The following DPP10 variants were observed in gnomAD, a reference collection of about 807,000 sequenced individuals.
DPP10 encodes the protein inactive dipeptidyl peptidase 10.
Under a neutral mutation model 120.9 loss-of-function variants are expected in DPP10, and 33 were observed. The observed-to-expected ratio is 0.27, with a 90% CI of 0.21 to 0.37. The LOEUF is 0.37. Ranked by LOEUF, DPP10 falls within the 10% of genes least tolerant of loss-of-function variation. The pLI is 1.00. For synonymous variants in DPP10, 337 were observed against 326.1 expected, an observed-to-expected ratio of 1.03 and a Z score of -0.36; for missense variants, 816 against 942.8, an observed-to-expected ratio of 0.87 and a Z score of 1.76.
At chr2:114,607,280 A>G (rs1692892573) in intron 1 of DPP10, among the ~76,000 whole-genome samples, 4 of 152,210 alleles carry the variant, frequency 2.6e-5, no homozygotes, top group Admixed American at 2.6e-4. Context: ...GATCTAAAGA[A>G]GGACACACTG....
At chr2:115,739,220 G>A (rs1198146378) in intron 8 of DPP10, among the ~76,000 whole-genome samples, 1 of 152,086 alleles carries the variant, frequency 6.6e-6, no homozygotes, top group African/African-American at 2.4e-5. Context: ...ATATAGGTTA[G>A]CTTTCTGGAC....
chr2:115,351,238 G>A (rs1485565094), intron 3 of DPP10, among the ~76,000 whole-genome samples: 3 of 152,092 alleles, frequency 2.0e-5, no homozygotes, highest in Non-Finnish European at 4.4e-5. Context: ...GATGCAGCAG[G>A]AAGCCATTAT....
chr2:115,249,248 A>G (rs1176485140), intron 1 of DPP10, among the ~76,000 whole-genome samples: 1 of 152,158 alleles, frequency 6.6e-6, no homozygotes, highest in Non-Finnish European at 1.5e-5. Flanking sequence ...ATTAAGCATT[A>G]TAAGGGGTAA....
intron 5 of DPP10, among the ~76,000 whole-genome samples, chr2:115,544,567 A>G (rs942559454): frequency 6.6e-6 from 1 of 152,058 alleles, no homozygotes; most frequent in African/African-American, 2.4e-5. Flanking sequence ...CCAAAATCTA[A>G]CTGCCCATCC....
chr2:114,881,537 CT>C (rs1691627033), intron 1 of DPP10, among the ~76,000 whole-genome samples: 1 of 143,306 alleles, frequency 7.0e-6, no homozygotes, highest in South Asian at 2.2e-4. Flanking sequence ...TCTATCTATC[CT>C]ATCTATCTAA....
chr2:114,835,243 T>A (rs1327067616), intron 1 of DPP10: 1 of 151,658 alleles, frequency 6.6e-6, no homozygotes, highest in Non-Finnish European at 1.5e-5. Context: ...TATGTGTATA[T>A]AGGACATATC....
chr2:115,839,750 C>T (rs189689819), intron 24 of DPP10, among the ~76,000 whole-genome samples: 300 of 151,672 alleles, frequency 2.0e-3, no homozygotes, highest in Non-Finnish European at 3.4e-3. Context: ...GAATGAACAC[C>T]CTAGACAGAA....
At chr2:115,750,842 T>A (rs571767141) in intron 10 of DPP10, among the ~76,000 whole-genome samples, 103 of 152,266 alleles carry the variant, frequency 6.8e-4, no homozygotes, top group African/African-American at 2.4e-3. Flanking sequence ...TGCAAAGATG[T>A]TCTTGTAGCA....
chr2:115,653,061 T>C (rs2087948537), intron 5 of DPP10, among the ~76,000 whole-genome samples: 1 of 152,064 alleles, frequency 6.6e-6, no homozygotes, highest in African/African-American at 2.4e-5. Context: ...TGATGGAGTC[T>C]GGTTTATACT....
chr2:115,762,425 A>T, intron 11 of DPP10, 147 bp from the exon 12 acceptor site: 1 of 752,052 alleles, frequency 1.3e-6, no homozygotes, highest in Non-Finnish European at 2.3e-6. Context: ...ATTCAGATTA[A>T]ATCAATAATG....
chr2:115,258,629 T>TAA (rs2059114558), intron 1 of DPP10, among the ~76,000 whole-genome samples: 1 of 152,208 alleles, frequency 6.6e-6, no homozygotes, highest in Admixed American at 6.5e-5. Flanking sequence ...ACTTCAGGTA[T>TAA]AATGATTCTA....
At chr2:115,797,645 T>G (rs1329633227) in intron 19 of DPP10, among the ~76,000 whole-genome samples, 3 of 152,016 alleles carry the variant, frequency 2.0e-5, no homozygotes, top group Non-Finnish European at 2.9e-5. Flanking sequence ...AGAAAATGAC[T>G]AAGAAGAAAA....
chr2:115,621,012 A>G (rs1413373767), intron 5 of DPP10, among the ~76,000 whole-genome samples: 4 of 152,206 alleles, frequency 2.6e-5, no homozygotes, highest in Non-Finnish European at 5.9e-5. Flanking sequence ...TTTGCTGTTC[A>G]TATCTCAAAA....
At chr2:114,713,939 C>G (rs1273535431) in intron 1 of DPP10, among the ~76,000 whole-genome samples, 2 of 150,254 alleles carry the variant, frequency 1.3e-5, no homozygotes, top group East Asian at 3.9e-4. Context: ...GAGCCGAGAT[C>G]GCACCATTGC....
chr2:114,968,066 T>A (rs958924154), intron 1 of DPP10, among the ~76,000 whole-genome samples: 1 of 152,178 alleles, frequency 6.6e-6, no homozygotes, highest in Non-Finnish European at 1.5e-5. Context: ...ATTTTCCACA[T>A]AAGCAAACCT....
chr2:115,033,407 G>A (rs76497570), intron 1 of DPP10, among the ~76,000 whole-genome samples: 2,124 of 152,012 alleles, frequency 0.014, 53 homozygotes, highest in African/African-American at 0.047. Context: ...ATCTTTAGTG[G>A]CTCCTTTTGC....
chr2:114,906,571 G>A (rs1420646734), intron 1 of DPP10, among the ~76,000 whole-genome samples: 1 of 152,010 alleles, frequency 6.6e-6, no homozygotes, highest in Non-Finnish European at 1.5e-5. Context: ...ATAAAAAGAA[G>A]TTTGTATTTT....
intron 1 of DPP10, among the ~76,000 whole-genome samples, chr2:114,643,923 A>G (rs1558960841): frequency 2.3e-5 from 3 of 129,862 alleles, no homozygotes; most frequent in Admixed American, 7.5e-5. Flanking sequence ...GTGTGTGTAT[A>G]TATATATATA....
chr2:115,442,349 C>CTG (rs377386557), intron 3 of DPP10, among the ~76,000 whole-genome samples: 1 of 142,704 alleles, frequency 7.0e-6, no homozygotes, highest in Non-Finnish European at 1.5e-5. Context: ...AATATATTAT[C>CTG]TGTGTGTGTG....
Sources: allele counts gnomAD v4.1 joint callset (sites outside exome capture counted in the v4.1 genomes callset), GRCh38; gene constraint gnomAD v4.1.1; transcripts MANE v1.5; gene names NCBI Gene and HGNC (gene_info 2026-07-23, HGNC 2026-07-21).